The following TMC7 variants were observed in gnomAD, a reference collection of about 807,000 sequenced individuals.
TMC7 encodes transmembrane channel like 7.
In TMC7, 54 loss-of-function variants were observed where a neutral mutation model predicts 82.9. The ratio of observed to expected loss-of-function variants is 0.65; its 90% CI spans 0.52 to 0.82. The LOEUF is 0.82. Among genes scored for constraint, TMC7 ranks in the 40% least tolerant of loss-of-function variants. The probability of loss-of-function intolerance (pLI) is 0.00; values close to 1 mark genes in which losing one functional copy is unlikely to be tolerated. For synonymous variants in TMC7, 350 were observed against 337.9 expected (o/e 1.04, Z -0.39); for missense variants, 820 against 901.2 (o/e 0.91, Z 1.15).
Position 19,040,344 on chromosome 16 carries a change from T to C in TMC7, c.1235T>C (p.Ile412Thr). ...CTCTTCATATTGTATCTACCGTCTA[T>C]TGTGATCACGCTGGCCAATTTTATC... ...ENLFILYLPSIVITLANFITP... is the reference protein window; with the variant it reads ...ENLFILYLPSTVITLANFITP... The change falls in exon 9 of 16, where the codon ATT becomes ACT. Residue 412 changes from isoleucine (I) to threonine (T), a missense_variant. Physicochemically the swap from Ile to Thr is moderately conservative, Grantham distance 89. Around this residue, in one of 2 missense-constraint regions of TMC7, gnomAD observed 650 missense variants for 669.9 expected, o/e 0.97. Coordinates refer to ENST00000304381, the MANE Select transcript of TMC7 (RefSeq NM_024847.4). 6.2e-7 allele frequency: 1 copy of C among 1,614,058 alleles called. No individual in the cohort carries two copies. Among genetic ancestry groups the C allele is most frequent in the Non-Finnish European group, 8.5e-7 (1 of 1,180,030 alleles).
intron 10 of TMC7, 47 bp from the exon 11 acceptor site, chr16:19,045,294 T>C (rs979265672): frequency 1.3e-6 from 2 of 1,506,472 alleles, no homozygotes; most frequent in African/African-American, 2.7e-5. Flanking sequence ...TGGTTTTCTC[T>C]GCCTCAGCTA....
chr16:19,047,466 C>T (rs539418303), intron 12 of TMC7, among the ~76,000 whole-genome samples: 3 of 148,870 alleles, frequency 2.0e-5, no homozygotes, highest in East Asian at 2.0e-4. Context: ...GGCGTGATCT[C>T]GGCTCACTGC....
rs1029432959 is a variant in TMC7 at position 19,011,925 on chromosome 16, T to C, written c.311+2510T>C. 3.9e-5 allele frequency among the ~76,000 whole-genome samples: 6 copies of C among 152,052 alleles called. No homozygotes were observed. In the East Asian group the frequency reaches 9.6e-4, roughly 24 times the overall value. On this transcript the variant is annotated intron_variant, in intron 2 of 15. Coordinates refer to ENST00000304381, the MANE Select transcript of TMC7 (RefSeq NM_024847.4). ...GGGAGGCTGAGGCAGGTGGATCACT[T>C]GAGCTCAGGAGTTCGCGACCAGCCT...
intron 1 of TMC7, among the ~76,000 whole-genome samples, chr16:18,993,426 T>G (rs1164231152): frequency 2.6e-5 from 4 of 152,204 alleles, no homozygotes; most frequent in African/African-American, 9.6e-5. Flanking sequence ...GATATTTTCC[T>G]TGATCCAAGA....
At chr16:19,017,828 G>A (rs1036489930) in intron 3 of TMC7, among the ~76,000 whole-genome samples, 2 of 152,064 alleles carry the variant, frequency 1.3e-5, no homozygotes, top group African/African-American at 2.4e-5. Flanking sequence ...CCGCCACCTC[G>A]CCTGGCTAAT....
intron 1 of TMC7, among the ~76,000 whole-genome samples, chr16:18,985,994 C>G (rs1183253015): frequency 1.3e-5 from 2 of 151,704 alleles, no homozygotes; most frequent in East Asian, 3.9e-4. Context: ...GATTATGACA[C>G]TGGGCTCCAG....
At chr16:19,017,438 A>G (rs1380160994) in intron 3 of TMC7, among the ~76,000 whole-genome samples, 1 of 150,438 alleles carries the variant, frequency 6.6e-6, no homozygotes, top group Non-Finnish European at 1.5e-5. Flanking sequence ...ATGCATTAAA[A>G]TATTATGCAT....
At chr16:19,056,510 C>G in intron 13 of TMC7, 32 bp from the exon 14 acceptor site, 1 of 1,606,148 alleles carries the variant, frequency 6.2e-7, no homozygotes, top group Non-Finnish European at 8.5e-7. Context: ...GCTGCACGCT[C>G]CTTCTGAGCC....
chr16:19,050,366 C>CAAAAA (rs71143824), intron 12 of TMC7, among the ~76,000 whole-genome samples: 2 of 83,048 alleles, frequency 2.4e-5, no homozygotes, highest in Admixed American at 1.7e-4. Flanking sequence ...GATTCCGTCT[C>CAAAAA]AAAAAAAAAA....
intron 13 of TMC7, among the ~76,000 whole-genome samples, chr16:19,054,514 G>A (rs949807303): frequency 2.0e-5 from 3 of 152,072 alleles, no homozygotes; most frequent in East Asian, 2.0e-4. Context: ...TCAGGAGTTC[G>A]AGACCAGCCT....
At chr16:19,054,641 G>C (rs1029003334) in intron 13 of TMC7, among the ~76,000 whole-genome samples, 2 of 151,702 alleles carry the variant, frequency 1.3e-5, no homozygotes, top group African/African-American at 4.8e-5. Context: ...CTTGAACCTG[G>C]GAGGCAGAGG....
chr16:18,999,226 C>T (rs2039098469), intron 1 of TMC7, among the ~76,000 whole-genome samples: 1 of 152,124 alleles, frequency 6.6e-6, no homozygotes, highest in Non-Finnish European at 1.5e-5. Flanking sequence ...TCTTGAACTC[C>T]TGGGTTCAAG....
intron 1 of TMC7, among the ~76,000 whole-genome samples, chr16:19,005,005 CT>C (rs1451431048): frequency 6.6e-6 from 1 of 151,842 alleles, no homozygotes; most frequent in Non-Finnish European, 1.5e-5. Context: ...ATAATTCTCT[CT>C]AAAGAGTAGT....
intron 14 of TMC7, among the ~76,000 whole-genome samples, chr16:19,056,975 A>C (rs1961806836): frequency 6.6e-6 from 1 of 151,978 alleles, no homozygotes; most frequent in South Asian, 2.1e-4. Context: ...AAAATAAATA[A>C]ATAAGTAACA....
chr16:18,987,392 C>T lies in TMC7; in HGVS notation c.67+3262C>T, dbSNP rs369468277. Among the ~76,000 whole-genome samples the T allele has an allele frequency of 2.1e-3, 312 of 152,040 alleles. 2 individuals carry two copies. Among genetic ancestry groups the T allele is most frequent in the Middle Eastern group, 6.8e-3 (2 of 294 alleles). ...GTAGCGCGATCTCGGCTCACCACAA[C>T]CTCTGCCTCCCAGGTTCAAGCGATT... On this transcript the variant is annotated intron_variant, in intron 1 of 15. Coordinates refer to ENST00000304381, the MANE Select transcript of TMC7 (RefSeq NM_024847.4).
At chr16:19,060,744 A>C (rs1961967149) in intron 15 of TMC7, among the ~76,000 whole-genome samples, 1 of 150,268 alleles carries the variant, frequency 6.7e-6, no homozygotes, top group African/African-American at 2.5e-5. Flanking sequence ...TTTTATTCTG[A>C]GTGGGATGGG....
chr16:19,004,803 A>C (rs1306435499), intron 1 of TMC7, among the ~76,000 whole-genome samples: 1 of 152,086 alleles, frequency 6.6e-6, no homozygotes, highest in Non-Finnish European at 1.5e-5. Flanking sequence ...AGCAAGCAAC[A>C]CTTACTAATT....
intron 5 of TMC7, among the ~76,000 whole-genome samples, chr16:19,025,048 T>C (rs929248336): frequency 6.6e-6 from 1 of 152,092 alleles, no homozygotes; most frequent in African/African-American, 2.4e-5. Context: ...GGAACAGGCA[T>C]GAGCCACCGT....
intron 1 of TMC7, among the ~76,000 whole-genome samples, chr16:18,996,485 G>C (rs939381719): frequency 6.6e-6 from 1 of 152,146 alleles, no homozygotes; most frequent in African/African-American, 2.4e-5. Context: ...TAGACAGATC[G>C]AAAGTGCCAT....
Sources: gnomAD v4.1 joint callset for allele counts (sites outside exome capture counted in the v4.1 genomes callset) on GRCh38, gnomAD v4.1.1 for gene constraint, gnomAD v4.1.1 regional missense constraint, MANE v1.5 for transcripts, NCBI Gene and HGNC (gene_info 2026-07-23, HGNC 2026-07-21) for gene names.